The following SGPP2 variants were observed in gnomAD, a reference collection of about 807,000 sequenced individuals.
SGPP2 encodes sphingosine-1-phosphate phosphatase 2, also known as sphingosine 1-phosphate phosphohydrolase 2.
In SGPP2, 30 loss-of-function variants were observed where a neutral mutation model predicts 33.9. The ratio of observed to expected loss-of-function variants is 0.89; its 90% CI spans 0.66 to 1.20. The LOEUF (loss-of-function observed/expected upper bound fraction) is 1.20, where lower values mean the gene tolerates loss of function less well. Among genes scored for constraint, SGPP2 ranks in the 50% most tolerant of loss-of-function variants. The pLI, the probability that SGPP2 is intolerant of heterozygous loss-of-function variation, is 0.00. For missense variants in SGPP2, 458 were observed against 532.1 expected (o/e 0.86, Z 1.37); for synonymous variants, 233 against 225.0 (o/e 1.04, Z -0.32).
At chr2:222,492,195 G>A (rs1315006931) in intron 2 of SGPP2, among the ~76,000 whole-genome samples, 1 of 152,188 alleles carries the variant, frequency 6.6e-6, no homozygotes, top group Non-Finnish European at 1.5e-5. Context: ...TCACTAGGCA[G>A]TGCCCCAGTG....
chr2:222,489,850 A>C (rs1321857419), intron 2 of SGPP2, among the ~76,000 whole-genome samples: 1 of 152,178 alleles, frequency 6.6e-6, no homozygotes, highest in East Asian at 1.9e-4. Context: ...CTGTAATCCC[A>C]GCTACTCGGG....
intron 4 of SGPP2, among the ~76,000 whole-genome samples, chr2:222,557,928 C>T (rs140801881): frequency 1.1e-3 from 175 of 152,286 alleles, no homozygotes; most frequent in African/African-American, 3.8e-3. Context: ...CCCCCAGAAG[C>T]GAGCTTCCTC....
At position 222,477,606 on chromosome 2, in the gene SGPP2, T is replaced by C. The variant is rs1017825773; in HGVS notation, c.378+2880T>C. On this transcript the variant is annotated intron_variant, in intron 2 of 4. Coordinates refer to ENST00000321276, the MANE Select transcript of SGPP2 (RefSeq NM_152386.4). This position sits in a 1 kb window ranked among gnomAD's most constrained non-coding sequence, Gnocchi z 6.0. ...GTGTGTGTATATATATGTGTGTGTG[T>C]GTGTTCTAAATCCCAAAACTTTAAT... Among the ~76,000 whole-genome samples the C allele has an allele frequency of 6.6e-6, 1 of 152,022 alleles. No homozygotes were observed. The highest frequency in any genetic ancestry group is 1.5e-5 in the Non-Finnish European group (1 of 67,984).
Position 222,559,721 on chromosome 2 carries a change from C to G in SGPP2, c.*823C>G, listed in dbSNP as rs1689502400. On this transcript the variant is annotated 3_prime_UTR_variant, in exon 5 of 5. Transcript: ENST00000321276. ...CCACCCACCTCAGCCTCCCAAAGTG[C>G]TGGGATTATAGGCATGAGCCACTGT... The G allele has an allele frequency of 6.6e-6, 1 of 152,434 alleles. No individual in the cohort carries two copies. Among genetic ancestry groups the G allele is most frequent in the African/African-American group, 2.4e-5 (1 of 41,436 alleles). 9.4% of individuals were successfully genotyped at this position (152,434 alleles called of 1,614,324 possible).
chr2:222,467,482 C>T (rs1158095238), intron 1 of SGPP2, among the ~76,000 whole-genome samples: 1 of 151,292 alleles, frequency 6.6e-6, no homozygotes, highest in Admixed American at 6.6e-5. Flanking sequence ...AGCTGAAGCT[C>T]AGGAGATCAA....
intron 4 of SGPP2, among the ~76,000 whole-genome samples, chr2:222,542,051 T>A (rs955112679): frequency 1.3e-5 from 2 of 152,194 alleles, no homozygotes; most frequent in African/African-American, 4.8e-5. Context: ...AAATACAGCA[T>A]TATCAGTACC....
intron 4 of SGPP2, among the ~76,000 whole-genome samples, chr2:222,535,039 T>C (rs898330949): frequency 6.6e-6 from 1 of 152,206 alleles, no homozygotes; most frequent in African/African-American, 2.4e-5. Flanking sequence ...TTAATTTGTG[T>C]ACCTTCTTTC....
In SGPP2 at chr2:222,474,660, G is replaced by T; in HGVS notation, c.312G>T (p.Thr104=). The T allele has an allele frequency of 6.2e-7, 1 of 1,613,728 alleles. No individual in the cohort carries two copies. The highest frequency in any genetic ancestry group is 1.1e-5 in the South Asian group (1 of 91,060). Residue 104 remains threonine (T), a synonymous_variant, in exon 2 of 5, where the codon ACG becomes ACT. Transcript: ENST00000321276. The stretch of plus-strand genomic sequence containing the variant: ...TGGGCCAAGAAGTGTTCTACATCAC[G>T]TTTCTTCCATTCACTCACTGGAATA... The part of the protein sequence containing the change: ...AALGQEVFYI[T]FLPFTHWNID...
chr2:222,451,910 C>A (rs940788528), intron 1 of SGPP2, among the ~76,000 whole-genome samples: 7 of 152,136 alleles, frequency 4.6e-5, no homozygotes, highest in Non-Finnish European at 7.3e-5. Context: ...GTATGTCAGG[C>A]ACTGTCTAAA....
chr2:222,547,497 C>G (rs1262580429), intron 4 of SGPP2, among the ~76,000 whole-genome samples: 1 of 152,094 alleles, frequency 6.6e-6, no homozygotes, highest in East Asian at 1.9e-4. Context: ...TCAAGACAAG[C>G]AAGTGATTAT....
intron 2 of SGPP2, among the ~76,000 whole-genome samples, chr2:222,508,546 CCTTT>C (rs1285163070): frequency 6.6e-6 from 1 of 152,132 alleles, no homozygotes; most frequent in Non-Finnish European, 1.5e-5. Context: ...TAACCCAACT[CCTTT>C]CTTATAATGA....
chr2:222,495,872 C>T (rs1203149706), intron 2 of SGPP2, among the ~76,000 whole-genome samples: 2 of 152,134 alleles, frequency 1.3e-5, no homozygotes, highest in Non-Finnish European at 2.9e-5. Flanking sequence ...GAACTTTGAC[C>T]CACCCTTACC....
At chr2:222,506,087 A>G (rs1361653061) in intron 2 of SGPP2, among the ~76,000 whole-genome samples, 1 of 152,230 alleles carries the variant, frequency 6.6e-6, no homozygotes, top group Non-Finnish European at 1.5e-5. Context: ...ATTGTACTGC[A>G]TGCTGCACCT....
intron 2 of SGPP2, among the ~76,000 whole-genome samples, chr2:222,511,522 C>T (rs1690759000): frequency 6.6e-6 from 1 of 152,110 alleles, no homozygotes; most frequent in African/African-American, 2.4e-5. Flanking sequence ...AGGGCCTCAA[C>T]CCAAAGAAGT....
intron 4 of SGPP2, among the ~76,000 whole-genome samples, chr2:222,549,883 CTT>C (rs751034613): frequency 6.5e-5 from 9 of 137,572 alleles, no homozygotes; most frequent in Non-Finnish European, 7.9e-5. Context: ...CTTTTCTTTT[CTT>C]TTTTTTTTTT....
intron 2 of SGPP2, among the ~76,000 whole-genome samples, chr2:222,488,027 C>T (rs11677163): frequency 0.5 from 76,166 of 151,980 alleles, 19,313 homozygotes; most frequent in Middle Eastern, 0.58. Flanking sequence ...GCTCAGAACA[C>T]ACATTCAGGT....
chr2:222,488,744 ATG>A lies in SGPP2; in HGVS notation c.378+14030_378+14031del, dbSNP rs72394182. ...CAAGCCTTACTCTCAGCTTAGGGGG[ATG>A]TGTGTGTGTGTATGTGTGTGTGTAC... is the stretch of plus-strand genomic sequence containing the variant. On this transcript the variant is annotated intron_variant, in intron 2 of 4. Transcript: ENST00000321276. Among the ~76,000 whole-genome samples, 19 of 151,926 alleles carry A rather than the reference ATG, an allele frequency of 1.3e-4. No individual in the cohort carries two copies. The East Asian group carries it at 1.9e-3, about 15-fold the overall frequency.
intron 2 of SGPP2, among the ~76,000 whole-genome samples, chr2:222,515,227 A>G (rs1698586323): frequency 6.6e-6 from 1 of 152,192 alleles, no homozygotes; most frequent in African/African-American, 2.4e-5. Context: ...GCCTCTGCCC[A>G]GGATCTCCCA....
chr2:222,456,312 G>A (rs1316244271), intron 1 of SGPP2, among the ~76,000 whole-genome samples: 2 of 152,194 alleles, frequency 1.3e-5, no homozygotes, highest in African/African-American at 4.8e-5. Context: ...TAAATTTTGT[G>A]TGATGATGGA....
Sources: gnomAD v4.1 joint callset for allele counts (sites outside exome capture counted in the v4.1 genomes callset) on GRCh38, gnomAD v4.1.1 for gene constraint, Gnocchi (gnomAD v3.1) non-coding constraint, MANE v1.5 for transcripts, NCBI Gene and HGNC (gene_info 2026-07-23, HGNC 2026-07-21) for gene names.